PPP2R2D: variants seen among roughly 807,000 people sequenced by gnomAD.
The protein encoded by PPP2R2D is serine/threonine-protein phosphatase 2A 55 kDa regulatory subunit B delta isoform.
In PPP2R2D, 9 loss-of-function variants were observed where a neutral mutation model predicts 31.1. The ratio of observed to expected loss-of-function variants is 0.29; its 90% CI spans 0.17 to 0.51. The LOEUF is 0.51. PPP2R2D is among the 20% of genes least tolerant of loss of function. PPP2R2D has a pLI of 0.98. For missense variants in PPP2R2D, 391 were observed against 465.6 expected, an observed-to-expected ratio of 0.84 and a Z score of 1.48; for synonymous variants, 179 against 172.6, an observed-to-expected ratio of 1.04 and a Z score of -0.29.
intron 3 of PPP2R2D, chr10:131,935,042 G>T (rs1278463522): frequency 2.2e-6 from 1 of 447,088 alleles, no homozygotes; most frequent in Non-Finnish European, 4.5e-6. Context: ...CCCCTTGAAG[G>T]CTTCACCTGT....
intron 3 of PPP2R2D, among the ~76,000 whole-genome samples, chr10:131,937,471 G>A (rs557133366): frequency 2.6e-5 from 4 of 152,230 alleles, no homozygotes; most frequent in African/African-American, 7.2e-5. Flanking sequence ...TCCTGCCCGT[G>A]TCCCCATGAG....
chr10:131,914,447 G>A (rs2035738076), intron 2 of PPP2R2D, among the ~76,000 whole-genome samples: 1 of 151,958 alleles, frequency 6.6e-6, no homozygotes, highest in African/African-American at 2.4e-5. Flanking sequence ...CTCATTTTTT[G>A]GAGGGTAATT....
chr10:131,912,184 T>TTTTCC (rs1278556877), intron 2 of PPP2R2D: 1 of 152,230 alleles, frequency 6.6e-6, no homozygotes, highest in Non-Finnish European at 1.5e-5. Flanking sequence ...TTGCTACTTC[T>TTTTCC]TTTCCTTTCC....
chr10:131,909,659 G>GC (rs1427986637), intron 2 of PPP2R2D, among the ~76,000 whole-genome samples: 1 of 152,174 alleles, frequency 6.6e-6, no homozygotes, highest in African/African-American at 2.4e-5. Context: ...GCCAGATGTC[G>GC]CCCAGGTTGT....
In PPP2R2D at chr10:131,901,139, G is replaced by C; in HGVS notation, c.-10G>C. ...TGCCGCGGTCCCCGCCCGTCCCGCC[G>C]CCGGCTGCCATGGCAGGTGAGGGGT... On this transcript the variant is annotated 5_prime_UTR_variant, in exon 1 of 9. Transcript: ENST00000455566. The C allele has an allele frequency of 3.7e-6, 1 of 267,728 alleles. No homozygotes were observed. The highest frequency in any genetic ancestry group is 6.9e-6 in the Non-Finnish European group (1 of 144,170). The allele number at this position is 267,728 out of a possible 1,614,324, so 16.6% of individuals were successfully genotyped here. A position where few individuals can be genotyped will look rare whatever the true frequency, so the allele number is the denominator to read the frequency against.
chr10:131,934,683 A>G, intron 3 of PPP2R2D, 128 bp downstream of exon 3: 1 of 672,334 alleles, frequency 1.5e-6, no homozygotes, highest in South Asian at 1.7e-5. Context: ...CACATTAGCC[A>G]TACAGAATCT....
At chr10:131,968,806 T>C in the PPP2R2D span, 2 of 388,584 alleles carry the variant, frequency 5.1e-6, no homozygotes, top group Admixed American at 7.5e-5. Context: ...CATAGAAGGA[T>C]CACCAAACCG....
At chr10:131,905,281 T>C (rs1309368147) in intron 2 of PPP2R2D, among the ~76,000 whole-genome samples, 2 of 152,172 alleles carry the variant, frequency 1.3e-5, no homozygotes, top group African/African-American at 4.8e-5. Context: ...GAAAAGTTGT[T>C]TGTTAGCTTC....
intron 2 of PPP2R2D, among the ~76,000 whole-genome samples, chr10:131,909,719 G>A (rs1344742108): frequency 6.6e-6 from 1 of 152,180 alleles, no homozygotes; most frequent in East Asian, 1.9e-4. Context: ...TTTTGGTGCT[G>A]GAATAATTTT....
intron 2 of PPP2R2D, among the ~76,000 whole-genome samples, chr10:131,917,890 G>T (rs1443003347): frequency 7.6e-6 from 1 of 132,172 alleles, no homozygotes; most frequent in Non-Finnish European, 1.6e-5. Flanking sequence ...GTGTTTGCAG[G>T]GACCTCACGT....
rs2036424214 is a variant in PPP2R2D, at chr10:131,940,573, T to C, written c.365-9T>C. On this transcript the variant is annotated splice_polypyrimidine_tract_variant and intron_variant, in intron 4 of 8. Transcript: ENST00000455566. ...CTTTTCATATGGAGAATGAGGTTTT[T>C]ATTTTCAGATAAAACTATAAAATTA... 1.4e-6 allele frequency: 1 copy of C among 740,368 alleles called. No homozygotes were observed. 45.9% of individuals were successfully genotyped at this position (740,368 alleles called of 1,614,324 possible). A position where few individuals can be genotyped will look rare whatever the true frequency, so the allele number is the denominator to read the frequency against.
In PPP2R2D at chr10:131,944,029, A is replaced by G. The variant is rs922199967; in HGVS notation, c.539A>G (p.Asn180Ser). ...VEASPRRIFA[N>S]AHTYHINSIS... ...GCGAGTCCACGGCGAATTTTTGCAA[A>G]TGCTCACACATATCATATAAATTCC... Residue 180 changes from asparagine to serine, a missense_variant, in exon 6 of 9, where the codon AAT (asparagine) becomes AGT (serine). Physicochemically the swap from Asn to Ser is conservative, Grantham distance 46. This residue lies in a region of PPP2R2D where 105 missense variants were observed against 98.5 expected (regional missense o/e 1.07). Transcript: ENST00000455566. 6.5e-7 allele frequency: 1 copy of G among 1,547,200 alleles called. No individual in the cohort carries two copies. Among genetic ancestry groups the G allele is most frequent in the Non-Finnish European group, 8.9e-7 (1 of 1,119,210 alleles).
chr10:131,924,815 A>C (rs1554894690), intron 2 of PPP2R2D, among the ~76,000 whole-genome samples: 1 of 143,044 alleles, frequency 7.0e-6, no homozygotes, highest in Non-Finnish European at 1.5e-5. Flanking sequence ...CTGTATATTC[A>C]GGTCTTTAAT....
intron 3 of PPP2R2D, among the ~76,000 whole-genome samples, chr10:131,936,943 A>G (rs1279591956): frequency 1.3e-5 from 2 of 152,208 alleles, no homozygotes; most frequent in South Asian, 4.1e-4. Flanking sequence ...TCTGTGGGTA[A>G]GGGCGGCAGT....
intron 2 of PPP2R2D, among the ~76,000 whole-genome samples, chr10:131,929,789 G>A (rs1017038883): frequency 3.9e-5 from 6 of 152,022 alleles, no homozygotes; most frequent in African/African-American, 1.2e-4. Flanking sequence ...CACTGACTCC[G>A]TTTCCCCTTC....
At chr10:131,925,001 G>C (rs1295904302) in intron 2 of PPP2R2D, among the ~76,000 whole-genome samples, 2 of 152,082 alleles carry the variant, frequency 1.3e-5, no homozygotes, top group African/African-American at 4.8e-5. Context: ...TATTGGCCTT[G>C]CATCCTGTGT....
intron 3 of PPP2R2D, among the ~76,000 whole-genome samples, chr10:131,938,190 G>A (rs1156814924): frequency 3.9e-5 from 6 of 152,224 alleles, no homozygotes; most frequent in African/African-American, 1.4e-4. Flanking sequence ...TAGCTTCTTG[G>A]GATGTCTTCT....
chr10:131,925,989 G>A lies in PPP2R2D; in HGVS notation c.101-8469G>A, dbSNP rs1308411556. ...CATGTTGATTTATTTCCCTTACTGG[G>A]CATGTGTTAAGGGACGGGATTTTTC... On this transcript the variant is annotated intron_variant, in intron 2 of 8. Coordinates refer to ENST00000455566, the MANE Select transcript of PPP2R2D (RefSeq NM_018461.5). Among the ~76,000 whole-genome samples the A allele has an allele frequency of 3.3e-5, 5 of 152,252 alleles. No individual in the cohort carries two copies. In the East Asian group the frequency reaches 9.7e-4, roughly 29 times the overall value.
chr10:131,948,879 A>G (rs557996901), intron 8 of PPP2R2D, among the ~76,000 whole-genome samples: 12 of 152,346 alleles, frequency 7.9e-5, no homozygotes, highest in African/African-American at 1.2e-4. Context: ...ACTGGCAGAT[A>G]GGGTCCAAAG....
Sources: allele counts gnomAD v4.1 joint callset (sites outside exome capture counted in the v4.1 genomes callset), GRCh38; gene constraint gnomAD v4.1.1; regional missense constraint gnomAD v4.1.1; transcripts MANE v1.5; gene names NCBI Gene and HGNC (gene_info 2026-07-23, HGNC 2026-07-21).